POLK: variants seen among roughly 807,000 people sequenced by gnomAD.
The protein encoded by POLK is polymerase (DNA directed) kappa.
Under a neutral mutation model 94.0 loss-of-function variants are expected in POLK, and 76 were observed. The ratio of observed to expected loss-of-function variants is 0.81; its 90% CI spans 0.67 to 0.98. The LOEUF (loss-of-function observed/expected upper bound fraction) is 0.98. POLK is among the 50% of genes least tolerant of loss of function. The probability of loss-of-function intolerance (pLI) is 0.00; values close to 1 mark genes in which losing one functional copy is unlikely to be tolerated. For missense variants in POLK, 954 were observed against 1,010.1 expected, an observed-to-expected ratio of 0.94 and a Z score of 0.75; for synonymous variants, 349 against 325.4, an observed-to-expected ratio of 1.07 and a Z score of -0.78.
chr5:75,573,694 T>C, intron 4 of POLK, 44 bp from the exon 5 acceptor site: 1 of 1,523,818 alleles, frequency 6.6e-7, no homozygotes, highest in Non-Finnish European at 9.1e-7. Flanking sequence ...AATATGTCCA[T>C]TTAGGTTTGT....
At chr5:75,572,206 A>G (rs941464986) in intron 4 of POLK, among the ~76,000 whole-genome samples, 3 of 152,244 alleles carry the variant, frequency 2.0e-5, no homozygotes, top group Non-Finnish European at 4.4e-5. Context: ...TATCATCACC[A>G]ACAGGATTTA....
At chr5:75,515,493 C>A (rs903180150) in intron 1 of POLK, among the ~76,000 whole-genome samples, 6 of 152,160 alleles carry the variant, frequency 3.9e-5, no homozygotes, top group Admixed American at 3.3e-4. Flanking sequence ...TGTATATAGA[C>A]CACATCTTCT....
rs138740822 is a variant in POLK at position 75,569,017 on chromosome 5, G to C, written c.256-323G>C. On this transcript the variant is annotated intron_variant, in intron 3 of 14. Transcript: ENST00000241436. ...GCCTAAGGGTATGGAGAGATGAAAG[G>C]GTTAGTAGGGAATTATATTTGAGGA... is the stretch of plus-strand genomic sequence containing the variant. 2.3e-3 allele frequency among the ~76,000 whole-genome samples: 350 copies of C among 152,132 alleles called. 2 individuals are homozygous for C. Among genetic ancestry groups the C allele is most frequent in the African/African-American group, 8.3e-3 (343 of 41,502 alleles).
chr5:75,519,041 G>A (rs1282389870), intron 1 of POLK, among the ~76,000 whole-genome samples: 2 of 152,066 alleles, frequency 1.3e-5, no homozygotes, highest in Non-Finnish European at 1.5e-5. Context: ...GCCCAGGCTG[G>A]CCTCAAACTC....
At chr5:75,573,836 C>G (rs141564658) in exon 5 of POLK, 1 of 1,613,446 alleles carries the variant, frequency 6.2e-7, no homozygotes, top group Admixed American at 1.7e-5. Flanking sequence ...TAGTGCCCCC[C>G]AACTTTGACA....
At chr5:75,548,450 G>A (rs1770163827) in intron 2 of POLK, among the ~76,000 whole-genome samples, 1 of 149,134 alleles carries the variant, frequency 6.7e-6, no homozygotes. Context: ...CCACTTTTTT[G>A]TTTCATTTAT....
chr5:75,536,773 G>A (rs1442959879), intron 1 of POLK, among the ~76,000 whole-genome samples: 1 of 152,196 alleles, frequency 6.6e-6, no homozygotes, highest in Admixed American at 6.5e-5. Flanking sequence ...TCTTGTCTGG[G>A]TGTTTACTGG....
At chr5:75,584,721 T>G (rs780064747) in intron 8 of POLK, 39 bp from the exon 9 acceptor site, 1 of 1,221,130 alleles carries the variant, frequency 8.2e-7, no homozygotes, top group South Asian at 1.5e-5. Context: ...TTAGCTTCAC[T>G]TTAAAATCTA....
chr5:75,560,726 G>T (rs1015758043), intron 3 of POLK, among the ~76,000 whole-genome samples: 1 of 151,916 alleles, frequency 6.6e-6, no homozygotes, highest in Non-Finnish European at 1.5e-5. Flanking sequence ...TGCCCATATG[G>T]TCTCATTGTT....
chr5:75,596,908 G>A, exon 13 of POLK: 1 of 1,613,444 alleles, frequency 6.2e-7, no homozygotes, highest in South Asian at 1.1e-5. Flanking sequence ...TTTTAATATT[G>A]AACACTGTCA....
intron 1 of POLK, 88 bp downstream of exon 1, chr5:75,512,002 C>G (rs1768050436): frequency 1.7e-6 from 1 of 571,814 alleles, no homozygotes; most frequent in South Asian, 2.1e-5. Context: ...TGACCAGCCC[C>G]TCGGCCTCGC....
exon 13 of POLK, chr5:75,596,879 C>G: frequency 6.2e-7 from 1 of 1,613,456 alleles, no homozygotes; most frequent in Non-Finnish European, 8.5e-7. Context: ...GAAGAATGTT[C>G]TAGTCTCCCA....
intron 1 of POLK, among the ~76,000 whole-genome samples, chr5:75,545,290 A>T (rs1769949815): frequency 6.6e-6 from 1 of 152,200 alleles, no homozygotes; most frequent in African/African-American, 2.4e-5. Flanking sequence ...AAATCATACA[A>T]ATAAGTCACA....
At chr5:75,585,020 T>C (rs1191647871) in intron 9 of POLK, 94 bp downstream of exon 9, 3 of 788,796 alleles carry the variant, frequency 3.8e-6, no homozygotes, top group Non-Finnish European at 6.3e-6. Context: ...TAACATGTTT[T>C]AAAATTCTTT....
intron 12 of POLK, among the ~76,000 whole-genome samples, chr5:75,594,867 C>T (rs918420790): frequency 1.8e-4 from 27 of 152,304 alleles, no homozygotes; most frequent in African/African-American, 6.5e-4. Flanking sequence ...ACTCCAAATG[C>T]ACATTTTACT....
chr5:75,522,101 T>G (rs528655241), intron 1 of POLK, among the ~76,000 whole-genome samples: 1 of 152,364 alleles, frequency 6.6e-6, no homozygotes, highest in East Asian at 1.9e-4. Flanking sequence ...TGTTTCTCCC[T>G]TTGTGTACTC....
chr5:75,571,259 T>C (rs1771579179), intron 4 of POLK, among the ~76,000 whole-genome samples: 1 of 152,198 alleles, frequency 6.6e-6, no homozygotes, highest in South Asian at 2.1e-4. Flanking sequence ...TATGAAAGTA[T>C]ATCTACAAAT....
chr5:75,589,378 T>TATACAC (rs1481583235), intron 10 of POLK, among the ~76,000 whole-genome samples: 1 of 102,956 alleles, frequency 9.7e-6, no homozygotes, highest in South Asian at 3.2e-4. Flanking sequence ...ATTTTATATA[T>TATACAC]ATACACACAT....
intron 1 of POLK, among the ~76,000 whole-genome samples, chr5:75,540,246 A>G (rs1170245912): frequency 6.6e-6 from 1 of 151,760 alleles, no homozygotes; most frequent in African/African-American, 2.4e-5. Flanking sequence ...TCTTATTTGT[A>G]GTGTAGCCCT....
Sources: allele counts gnomAD v4.1 joint callset (sites outside exome capture counted in the v4.1 genomes callset), GRCh38; gene constraint gnomAD v4.1.1; transcripts MANE v1.5; gene names NCBI Gene and HGNC (gene_info 2026-07-23, HGNC 2026-07-21).